CASZ1: variants seen among roughly 807,000 people sequenced by gnomAD.
The protein encoded by CASZ1 is castor zinc finger 1, also known as zinc finger protein castor homolog 1.
A neutral mutation model predicts 135.2 loss-of-function variants in CASZ1; 28 were observed. The observed-to-expected ratio is 0.21, with a 90% CI of 0.15 to 0.28. The LOEUF (loss-of-function observed/expected upper bound fraction) is 0.28. Ranked by LOEUF, CASZ1 falls within the 10% of genes least tolerant of loss-of-function variation. The pLI, the probability that CASZ1 is intolerant of heterozygous loss-of-function variation, is 1.00. For synonymous variants in CASZ1, 1,068 were observed against 1,073.4 expected (o/e 0.99, Z 0.10); for missense variants, 2,161 against 2,453.3 (o/e 0.88, Z 2.52).
intron 4 of CASZ1, among the ~76,000 whole-genome samples, chr1:10,675,792 A>ACCC (rs373360825): frequency 9.4e-6 from 1 of 106,544 alleles, no homozygotes; most frequent in African/African-American, 3.4e-5. Context: ...CTAGCACATG[A>ACCC]CCCCCCCCCC....
chr1:10,640,590 C>T (rs1642170616), intron 20 of CASZ1, among the ~76,000 whole-genome samples: 1 of 152,178 alleles, frequency 6.6e-6, no homozygotes, highest in Non-Finnish European at 1.5e-5. Flanking sequence ...CAGGGCTGTG[C>T]GGGGCTGCAA....
chr1:10,691,396 G>T (rs1463427852), intron 4 of CASZ1, among the ~76,000 whole-genome samples: 1 of 152,140 alleles, frequency 6.6e-6, no homozygotes, highest in African/African-American at 2.4e-5. Context: ...TCCTGAGAAG[G>T]CTTGGCTCTC....
chr1:10,681,663 C>T (rs763094893), intron 4 of CASZ1, among the ~76,000 whole-genome samples: 3 of 152,254 alleles, frequency 2.0e-5, no homozygotes, highest in Non-Finnish European at 4.4e-5. Flanking sequence ...ACTGTTTCAG[C>T]GCAGTGTCTG....
In CASZ1 at chr1:10,691,639, G is replaced by T. The variant is rs565704529; in HGVS notation, c.16+2235C>A. Among the ~76,000 whole-genome samples the T allele has an allele frequency of 1.9e-3, 293 of 152,316 alleles. 1 individual carries two copies. Among genetic ancestry groups the T allele is most frequent in the African/African-American group, 6.7e-3 (277 of 41,572 alleles). Reference sequence around the variant, plus strand: ...AGCCACGAGCCCCGGCCAGAGACGAGGCCCATGGCCCCAGCTGTATGCCGT... The same window carrying T: ...AGCCACGAGCCCCGGCCAGAGACGATGCCCATGGCCCCAGCTGTATGCCGT... On this transcript the variant is annotated intron_variant, in intron 4 of 20. Coordinates refer to ENST00000377022, the MANE Select transcript of CASZ1 (RefSeq NM_001079843.3).
At chr1:10,690,637 C>T (rs1192226984) in intron 4 of CASZ1, among the ~76,000 whole-genome samples, 2 of 152,154 alleles carry the variant, frequency 1.3e-5, no homozygotes, top group Non-Finnish European at 2.9e-5. Flanking sequence ...GACAAGGCTG[C>T]AGCCACAGCG....
intron 2 of CASZ1, among the ~76,000 whole-genome samples, chr1:10,713,520 GGGGCTGT>G (rs1161579050): frequency 1.3e-5 from 2 of 152,214 alleles, no homozygotes; most frequent in Admixed American, 1.3e-4. Context: ...AGCCTGGTTT[GGGGCTGT>G]GGCGCTTGGC....
chr1:10,748,478 G>A (rs1407723823), intron 2 of CASZ1, among the ~76,000 whole-genome samples: 1 of 152,224 alleles, frequency 6.6e-6, no homozygotes, highest in East Asian at 1.9e-4. Flanking sequence ...TCCCTGCAAA[G>A]ACGATGCTAT....
chr1:10,752,132 G>A (rs1640161795), intron 2 of CASZ1, among the ~76,000 whole-genome samples: 1 of 152,200 alleles, frequency 6.6e-6, no homozygotes, highest in Non-Finnish European at 1.5e-5. Flanking sequence ...GCATGGAGAG[G>A]GCAGCAGACG....
intron 18 of CASZ1, among the ~76,000 whole-genome samples, 172 bp downstream of exon 18, chr1:10,644,745 T>C (rs1642312515): frequency 6.6e-6 from 1 of 152,234 alleles, no homozygotes; most frequent in Admixed American, 6.5e-5. Flanking sequence ...GGGTTTGGAC[T>C]GTTTCACAAG....
intron 4 of CASZ1, among the ~76,000 whole-genome samples, chr1:10,668,177 G>T (rs1643295130): frequency 6.6e-6 from 1 of 152,154 alleles, no homozygotes; most frequent in Non-Finnish European, 1.5e-5. Context: ...GAACAGGGGT[G>T]CGTTGGAGCT....
chr1:10,782,551 A>C (rs953712900), intron 1 of CASZ1, among the ~76,000 whole-genome samples: 13 of 152,250 alleles, frequency 8.5e-5, no homozygotes, highest in African/African-American at 2.9e-4. Context: ...ACTGAGCGGC[A>C]GGTCCCATAA....
At position 10,706,567 on chromosome 1, in the gene CASZ1, G is replaced by T. The variant is rs561555689; in HGVS notation, c.-76-1023C>A. On this transcript the variant is annotated intron_variant, in intron 2 of 20. Transcript: ENST00000377022. This position sits in a 1 kb window ranked among gnomAD's most constrained non-coding sequence, Gnocchi z 4.3. Reference sequence around the variant, plus strand: ...GGGAGATGAGGTGACCTTGTTGAGGGCTCCCGGAATGCCACCCAGTCCCAC... The same window carrying T: ...GGGAGATGAGGTGACCTTGTTGAGGTCTCCCGGAATGCCACCCAGTCCCAC... Among the ~76,000 whole-genome samples, 15 of 152,292 alleles carry T rather than the reference G, an allele frequency of 9.8e-5. No individual in the cohort carries two copies. The South Asian group carries it at 3.1e-3, about 32-fold the overall frequency.
intron 5 of CASZ1, among the ~76,000 whole-genome samples, chr1:10,662,284 CACAT>C (rs1350811548): frequency 3.6e-5 from 5 of 136,988 alleles, no homozygotes; most frequent in Non-Finnish European, 3.1e-5. Context: ...TGCTCACAAT[CACAT>C]ACAACACACA....
At chr1:10,687,268 CAT>C (rs1638625652) in intron 4 of CASZ1, among the ~76,000 whole-genome samples, 2 of 152,344 alleles carry the variant, frequency 1.3e-5, no homozygotes, top group African/African-American at 4.8e-5. Flanking sequence ...GGAAACACAA[CAT>C]GTGTCCGTTT....
At chr1:10,684,471 A>C (rs1322742090) in intron 4 of CASZ1, among the ~76,000 whole-genome samples, 1 of 152,162 alleles carries the variant, frequency 6.6e-6, no homozygotes, top group African/African-American at 2.4e-5. Context: ...AGCCAGCTGC[A>C]AGTCCTCCTC....
intron 18 of CASZ1, among the ~76,000 whole-genome samples, chr1:10,644,537 A>G (rs1642305300): frequency 6.6e-6 from 1 of 152,202 alleles, no homozygotes; most frequent in South Asian, 2.1e-4. Context: ...AAACCTCATC[A>G]TGAAAGCCAT....
At chr1:10,748,009 G>A (rs190802948) in intron 2 of CASZ1, among the ~76,000 whole-genome samples, 257 of 152,198 alleles carry the variant, frequency 1.7e-3, no homozygotes, top group Non-Finnish European at 2.5e-3. Context: ...TAGTGGAGAC[G>A]GGGTTTCACC....
chr1:10,649,709 C>T (rs1413417472), intron 13 of CASZ1: 9 of 424,440 alleles, frequency 2.1e-5, no homozygotes, highest in South Asian at 1.5e-4. Context: ...AAGCCGAGGC[C>T]GCGACTCAGG....
intron 4 of CASZ1, among the ~76,000 whole-genome samples, chr1:10,685,970 C>T (rs1638573870): frequency 6.6e-6 from 1 of 152,228 alleles, no homozygotes; most frequent in African/African-American, 2.4e-5. Flanking sequence ...GGGGCAGCTG[C>T]TGGCCTGTCC....
Sources: gnomAD v4.1 joint callset for allele counts (sites outside exome capture counted in the v4.1 genomes callset) on GRCh38, gnomAD v4.1.1 for gene constraint, Gnocchi (gnomAD v3.1) non-coding constraint, MANE v1.5 for transcripts, NCBI Gene and HGNC (gene_info 2026-07-23, HGNC 2026-07-21) for gene names.